The following GLT8D1 variants were observed in gnomAD, a reference collection of about 807,000 sequenced individuals.
GLT8D1 encodes the protein glycosyltransferase 8 domain containing 1, also known as glycosyltransferase 8 domain-containing protein 1.
A neutral mutation model predicts 46.2 loss-of-function variants in GLT8D1; 41 were observed. That is an observed-to-expected ratio of 0.89 (90% CI 0.69 to 1.15). The LOEUF (loss-of-function observed/expected upper bound fraction) is 1.15, where lower values mean the gene tolerates loss of function less well. Among genes scored for constraint, GLT8D1 ranks in the 50% most tolerant of loss-of-function variants. The probability of loss-of-function intolerance (pLI) is 0.00; values close to 1 mark genes in which losing one functional copy is unlikely to be tolerated. For missense variants in GLT8D1, 408 were observed against 449.3 expected (o/e 0.91, Z 0.83); for synonymous variants, 150 against 154.2 (o/e 0.97, Z 0.20).
At chr3:52,695,849 G>A (rs2097332799) in intron 7 of GLT8D1, 79 bp downstream of exon 7, 1 of 833,014 alleles carries the variant, frequency 1.2e-6, no homozygotes, top group African/African-American at 1.7e-5. Flanking sequence ...GTAAATTGCA[G>A]CAAAAGAGTT....
rs2097330853 is a variant in GLT8D1 at position 52,694,543 on chromosome 3, C to CCAA, written c.*299_*301dup. On this transcript the variant is annotated 3_prime_UTR_variant, in exon 10 of 10. Coordinates refer to ENST00000266014, the MANE Select transcript of GLT8D1 (RefSeq NM_018446.4). ...CAGGCCACAGGTTACAAAATTAAAA[C>CCAA]CAACAGCAGTTTTGAATTATCTGTA... 1 of 579,970 alleles carries CCAA rather than the reference C, an allele frequency of 1.7e-6. No homozygotes were observed. The highest frequency in any genetic ancestry group is 3.1e-5 in the Admixed American group (1 of 32,098). The allele number at this position is 579,970 out of a possible 1,614,324, so 35.9% of individuals were successfully genotyped here.
intron 1 of GLT8D1, among the ~76,000 whole-genome samples, chr3:52,701,038 C>T (rs2097338908): frequency 6.6e-6 from 1 of 152,136 alleles, no homozygotes; most frequent in Admixed American, 6.5e-5. Flanking sequence ...GCACTCCAGC[C>T]TGGGCGACAG....
chr3:52,694,928 C>G lies in GLT8D1; in HGVS notation c.1033G>C (p.Val345Leu), dbSNP rs1489014539. Residue 345 changes from valine (V) to leucine (L), a missense_variant, in exon 10 of 10, where the codon GTT becomes CTT. Physicochemically the swap from Val to Leu is conservative, Grantham distance 32 (BLOSUM62 1). Coordinates refer to ENST00000266014, the MANE Select transcript of GLT8D1 (RefSeq NM_018446.4). ...TCTGGAATATACCATTTTTCCCAAA[C>G]ATCAGTATATGAAGCAGTCCTTCCC... Reference protein sequence around the residue: ...PWGRTASYTDVWEKWYIPDPT... With the variant: ...PWGRTASYTDLWEKWYIPDPT... 1 of 1,610,318 alleles carries G rather than the reference C, an allele frequency of 6.2e-7. No individual in the cohort carries two copies. Among genetic ancestry groups the G allele is most frequent in the African/African-American group, 1.3e-5 (1 of 74,954 alleles).
At chr3:52,696,147 A>G in intron 6 of GLT8D1, 87 bp downstream of exon 6, 1 of 1,155,422 alleles carries the variant, frequency 8.7e-7, no homozygotes, top group Non-Finnish European at 1.3e-6. Context: ...TAAATAAACC[A>G]CTACAGCCCA....
intron 8 of GLT8D1, 39 bp from the exon 9 acceptor site, chr3:52,695,341 TACTG>T (rs1458030107): frequency 8.8e-6 from 14 of 1,585,292 alleles, no homozygotes; most frequent in Non-Finnish European, 1.1e-5. Flanking sequence ...TAGTGAAAAG[TACTG>T]ACTAACTCCT....
chr3:52,695,469 C>T lies in GLT8D1; in HGVS notation c.764G>A (p.Arg255Gln), dbSNP rs967215089. Residue 255 changes from arginine to glutamine, a missense_variant, in exon 8 of 10, where the codon CGA becomes CAA. Coordinates refer to ENST00000266014, the MANE Select transcript of GLT8D1 (RefSeq NM_018446.4). Reference sequence around the variant, plus strand: ...TTCCAGTTGGTTAGTTATATTCTGTCGTTTCCATTCCGTCAGGTTTGCAAC... The same window carrying T: ...TTCCAGTTGGTTAGTTATATTCTGTTGTTTCCATTCCGTCAGGTTTGCAAC... ...VFVANLTEWK[R>Q]QNITNQLEKW... The T allele has an allele frequency of 1.1e-5, 17 of 1,613,680 alleles. No homozygotes were observed. The highest frequency in any genetic ancestry group is 2.7e-5 in the African/African-American group (2 of 74,908).
At chr3:52,695,849 G>C (rs2097332799) in intron 7 of GLT8D1, 79 bp downstream of exon 7, 1 of 833,014 alleles carries the variant, frequency 1.2e-6, no homozygotes, top group African/African-American at 1.7e-5. Context: ...GTAAATTGCA[G>C]CAAAAGAGTT....
chr3:52,696,578 T>G lies in GLT8D1; in HGVS notation c.411A>C (p.Val137=). 1 of 1,604,268 alleles carries G rather than the reference T, an allele frequency of 6.2e-7. No individual in the cohort carries two copies. The highest frequency in any genetic ancestry group is 8.5e-7 in the Non-Finnish European group (1 of 1,170,962). ...NFDPKLLEGK[V]KEDPDQGESM... ...ATTCCCCCTGGTCAGGATCCTCCTT[T>G]ACTTTTCCTTCCAAAAGTTTAGGGT... The change falls in exon 5 of 10, where the codon GTA becomes GTC. Residue 137 remains valine (V), a synonymous_variant. Transcript: ENST00000266014.
intron 3 of GLT8D1, among the ~76,000 whole-genome samples, chr3:52,699,957 T>C (rs557218574): frequency 7.2e-5 from 11 of 152,342 alleles, no homozygotes; most frequent in African/African-American, 2.4e-4. Context: ...GTCCCACTGA[T>C]GCAGCTGCAC....
In GLT8D1 at chr3:52,694,786, C is replaced by T; in HGVS notation, c.*59G>A. 1 of 1,174,814 alleles carries T rather than the reference C, an allele frequency of 8.5e-7. No homozygotes were observed. The highest frequency in any genetic ancestry group is 1.2e-5 in the South Asian group (1 of 81,950). 72.8% of individuals were successfully genotyped at this position (1,174,814 alleles called of 1,614,324 possible). A position where few individuals can be genotyped will look rare whatever the true frequency, so the allele number is the denominator to read the frequency against. The stretch of plus-strand genomic sequence containing the variant: ...TTGAAGCCTAGCAACTGTTACTTCC[C>T]ACGCATGCTATCTTCCAGGACTTCC... On this transcript the variant is annotated 3_prime_UTR_variant, in exon 10 of 10. Coordinates refer to ENST00000266014, the MANE Select transcript of GLT8D1 (RefSeq NM_018446.4).
At chr3:52,701,911 T>A (rs911792914) in intron 1 of GLT8D1, among the ~76,000 whole-genome samples, 1 of 152,286 alleles carries the variant, frequency 6.6e-6, no homozygotes, top group Admixed American at 6.5e-5. Flanking sequence ...CCAACCAAGA[T>A]ATCGTGAACC....
Position 52,694,757 on chromosome 3 carries a change from G to A in GLT8D1, c.*88C>T. 1 of 893,318 alleles carries A rather than the reference G, an allele frequency of 1.1e-6. No individual in the cohort carries two copies. Among genetic ancestry groups the A allele is most frequent in the Non-Finnish European group, 1.9e-6 (1 of 534,228 alleles). The allele number at this position is 893,318 out of a possible 1,614,324, so 55.3% of individuals were successfully genotyped here. ...CTTTTTCCATGGCTTGCTACCGATA[G>A]GCATTGAAGCCTAGCAACTGTTACT... On this transcript the variant is annotated 3_prime_UTR_variant, in exon 10 of 10. Coordinates refer to ENST00000266014, the MANE Select transcript of GLT8D1 (RefSeq NM_018446.4).
chr3:52,702,817 G>A (rs1359610167), intron 1 of GLT8D1, among the ~76,000 whole-genome samples: 1 of 148,402 alleles, frequency 6.7e-6, no homozygotes, highest in Non-Finnish European at 1.5e-5. Context: ...GACAGAGTCT[G>A]GCTCTGTCAG....
chr3:52,701,658 C>T (rs367886443), intron 1 of GLT8D1, among the ~76,000 whole-genome samples: 21 of 152,274 alleles, frequency 1.4e-4, no homozygotes, highest in African/African-American at 4.6e-4. Context: ...TGAGCCACCA[C>T]GCCCGGCCAA....
At chr3:52,701,613 C>T (rs2097339480) in intron 1 of GLT8D1, among the ~76,000 whole-genome samples, 1 of 152,156 alleles carries the variant, frequency 6.6e-6, no homozygotes, top group Non-Finnish European at 1.5e-5. Context: ...GTGATCTGCC[C>T]ACCTCAGCCT....
At chr3:52,696,127 T>G in intron 6 of GLT8D1, 87 bp from the exon 7 acceptor site, 1 of 1,155,764 alleles carries the variant, frequency 8.7e-7, no homozygotes, top group East Asian at 2.4e-5. Context: ...TGACCTTTTA[T>G]AGAAGACCAT....
At position 52,695,182 on chromosome 3, in the gene GLT8D1, C is replaced by CTACT. The variant is rs60069075; in HGVS notation, c.925+4_925+7dup. On this transcript the variant is annotated splice_region_variant and intron_variant, in intron 9 of 9. Coordinates refer to ENST00000266014, the MANE Select transcript of GLT8D1 (RefSeq NM_018446.4). ...TACTAGCTTATGCCACTGGTTAATT[C>CTACT]TACTTACCAAGGTGGCGGACATTCC... The CTACT allele has an allele frequency of 0.018, 29,254 of 1,589,536 alleles. 328 individuals carry two copies. The highest frequency in any genetic ancestry group is 0.035 in the South Asian group (3,172 of 90,406).
chr3:52,696,188 A>T (rs1431430373), intron 6 of GLT8D1, 46 bp downstream of exon 6: 5 of 1,325,960 alleles, frequency 3.8e-6, no homozygotes, highest in Non-Finnish European at 5.5e-6. Flanking sequence ...TAGCAATTGT[A>T]CCCAATCTGG....
chr3:52,698,120 A>G (rs1301288335), intron 3 of GLT8D1, among the ~76,000 whole-genome samples, 186 bp from the exon 4 acceptor site: 1 of 152,194 alleles, frequency 6.6e-6, no homozygotes, highest in African/African-American at 2.4e-5. Context: ...TGGAGGAAGC[A>G]TTTTTTAAAA....
Sources: allele counts gnomAD v4.1 joint callset (sites outside exome capture counted in the v4.1 genomes callset), GRCh38; gene constraint gnomAD v4.1.1; transcripts MANE v1.5; gene names NCBI Gene and HGNC (gene_info 2026-07-23, HGNC 2026-07-21).